The following IFNLR1 variants were observed in gnomAD, a reference collection of about 807,000 sequenced individuals.
IFNLR1 encodes CRF2-12.
Under a neutral mutation model 52.5 loss-of-function variants are expected in IFNLR1, and 28 were observed. That is an observed-to-expected ratio of 0.53 (90% CI 0.40 to 0.73). The LOEUF is 0.73. Ranked by LOEUF, IFNLR1 falls within the 30% of genes least tolerant of loss-of-function variation. The pLI is 0.00. For synonymous variants in IFNLR1, 276 were observed against 274.9 expected, an observed-to-expected ratio of 1.00 and a Z score of -0.04; for missense variants, 623 against 659.1, an observed-to-expected ratio of 0.95 and a Z score of 0.60.
At chr1:24,164,157 C>T (rs1467776431) in intron 3 of IFNLR1, among the ~76,000 whole-genome samples, 1 of 152,176 alleles carries the variant, frequency 6.6e-6, no homozygotes, top group Non-Finnish European at 1.5e-5. Context: ...ATGAAAGGGA[C>T]AATCAGGTCA....
In IFNLR1 at chr1:24,157,606, C is replaced by T. The variant is rs760334052; in HGVS notation, c.1087G>A (p.Gly363Ser). ...EHQAPGHSEA[G>S]GVDSGRPRAP... ...CTGGGCCTCCCTGAGTCCACCCCACCAGCCTCCGAGTGCCCTGGAGCCTGG... is the reference window on the plus strand; with the variant it reads ...CTGGGCCTCCCTGAGTCCACCCCACTAGCCTCCGAGTGCCCTGGAGCCTGG... Residue 363 changes from glycine (G) to serine (S), a missense_variant, in exon 7 of 7, where the codon GGT (glycine) becomes AGT (serine). Physicochemically the swap from Gly to Ser is moderately conservative, Grantham distance 56. Transcript: ENST00000327535. The surrounding 1 kb of genome is among the most constrained non-coding windows in gnomAD (Gnocchi z 5.1). 5 of 1,609,858 alleles carry T rather than the reference C, an allele frequency of 3.1e-6. No individual in the cohort carries two copies. The East Asian group carries it at 1.1e-4, about 36-fold the overall frequency.
chr1:24,168,758 T>G (rs1409423874), intron 3 of IFNLR1, among the ~76,000 whole-genome samples: 2 of 152,138 alleles, frequency 1.3e-5, no homozygotes, highest in Non-Finnish European at 2.9e-5. Flanking sequence ...TGTTTATTAA[T>G]TTTTTTCTTT....
chr1:24,184,756 C>T (rs1644721197), intron 1 of IFNLR1, among the ~76,000 whole-genome samples: 1 of 152,130 alleles, frequency 6.6e-6, no homozygotes, highest in Non-Finnish European at 1.5e-5. Flanking sequence ...TGGTAACTCA[C>T]CCCTGTGATC....
Position 24,157,730 on chromosome 1 carries a change from G to T in IFNLR1, c.963C>A (p.Asp321Glu), listed in dbSNP as rs74399859. The T allele has an allele frequency of 3.4e-4, 545 of 1,614,194 alleles. 4 individuals carry two copies. In the African/African-American group the frequency reaches 6.6e-3, roughly 20 times the overall value. Residue 321 changes from aspartate (D) to glutamate (E), a missense_variant, in exon 7 of 7, where the codon GAC becomes GAA. By Grantham distance (45) the Asp-to-Glu change is conservative. Coordinates refer to ENST00000327535, the MANE Select transcript of IFNLR1 (RefSeq NM_170743.4). The surrounding 1 kb of genome is among the most constrained non-coding windows in gnomAD (Gnocchi z 5.1). ...PATQQTRWKKDLAEDEEEEDE... is the reference protein window; with the variant it reads ...PATQQTRWKKELAEDEEEEDE... ...CCTCCTCCTCTTCGTCCTCTGCAAG[G>T]TCCTTCTTCCATCTTGTCTGTTGGG...
intron 2 of IFNLR1, among the ~76,000 whole-genome samples, chr1:24,173,714 T>A (rs961591630): frequency 6.7e-6 from 1 of 149,406 alleles, no homozygotes; most frequent in Admixed American, 6.7e-5. Context: ...AGTGGTGCAA[T>A]CATAGTTCAC....
At chr1:24,171,921 G>A (rs1569671305) in intron 2 of IFNLR1, among the ~76,000 whole-genome samples, 1 of 152,206 alleles carries the variant, frequency 6.6e-6, no homozygotes, top group South Asian at 2.1e-4. Flanking sequence ...CTCCCAAAGT[G>A]CTGGTATTAC....
At chr1:24,162,936 T>C (rs145079365) in intron 3 of IFNLR1, among the ~76,000 whole-genome samples, 3 of 94,748 alleles carry the variant, frequency 3.2e-5, no homozygotes, top group Admixed American at 1.1e-4. Flanking sequence ...TTTTCTTTCT[T>C]TCTCTTTCTT....
At chr1:24,177,618 T>A (rs1644646383) in intron 2 of IFNLR1, among the ~76,000 whole-genome samples, 1 of 152,162 alleles carries the variant, frequency 6.6e-6, no homozygotes, top group South Asian at 2.1e-4. Context: ...GAGTCTTCCA[T>A]TCCCAGTCCA....
At chr1:24,185,081 C>T (rs1644724040) in intron 1 of IFNLR1, among the ~76,000 whole-genome samples, 1 of 151,978 alleles carries the variant, frequency 6.6e-6, no homozygotes, top group Non-Finnish European at 1.5e-5. Flanking sequence ...GTTCTGTGAG[C>T]CAGGTTCTGT....
At position 24,187,232 on chromosome 1, in the gene IFNLR1, C is replaced by A. The variant is rs1213805185; in HGVS notation, c.17G>T (p.Arg6Leu). ...CAGGCACAGGAGCAGGGGGCCCCAG[C>A]GCTCGGGCCCCGCCATGGCCTTCCT... is the stretch of plus-strand genomic sequence containing the variant. MAGPE[R>L]WGPLLLCLLQ... Residue 6 changes from arginine to leucine, a missense_variant, in exon 1 of 7, where the codon CGC becomes CTC. Transcript: ENST00000327535. 1.6e-6 allele frequency: 2 copies of A among 1,286,958 alleles called. No individual in the cohort carries two copies. Among genetic ancestry groups the A allele is most frequent in the Admixed American group, 4.1e-5 (1 of 24,102 alleles). The allele number at this position is 1,286,958 out of a possible 1,614,324, so 79.7% of individuals were successfully genotyped here.
chr1:24,168,689 C>T (rs1414567276), intron 3 of IFNLR1, among the ~76,000 whole-genome samples: 1 of 151,960 alleles, frequency 6.6e-6, no homozygotes, highest in African/African-American at 2.4e-5. Flanking sequence ...CCCCACCCCC[C>T]ACAAATTTCT....
chr1:24,182,292 C>T (rs926666860), intron 1 of IFNLR1, among the ~76,000 whole-genome samples: 1 of 152,076 alleles, frequency 6.6e-6, no homozygotes, highest in African/African-American at 2.4e-5. Context: ...GGCTTGCCAG[C>T]CACTCTGCTA....
At position 24,162,915 on chromosome 1, in the gene IFNLR1, C is replaced by CTTT. The variant is rs1244194854; in HGVS notation, c.368-1232_368-1231insAAA. Among the ~76,000 whole-genome samples the CTTT allele has an allele frequency of 4.5e-3, 369 of 82,736 alleles. 21 individuals carry two copies. Among genetic ancestry groups the CTTT allele is most frequent in the Middle Eastern group, 0.017 (3 of 178 alleles). The allele number at this position is 82,736 out of a possible 152,430, so 54.3% of individuals were successfully genotyped here. On this transcript the variant is annotated intron_variant, in intron 3 of 6. Transcript: ENST00000327535. The stretch of plus-strand genomic sequence containing the variant: ...TCCTTCCTTCCTTCCTTCCTTCCTT[C>CTTT]CTTTTCTTTCTTTTCTTTCTTTCTC...
rs1471051022 is a variant in IFNLR1, at chr1:24,161,705, C to A, written c.368-21G>T. 4.1e-6 allele frequency: 6 copies of A among 1,465,374 alleles called. No homozygotes were observed. In the Middle Eastern group the frequency reaches 6.3e-4, roughly 153 times the overall value. 90.8% of individuals were successfully genotyped at this position (1,465,374 alleles called of 1,614,324 possible). A position where few individuals can be genotyped will look rare whatever the true frequency, so the allele number is the denominator to read the frequency against. ...CTCCACTGCAGAAACAGAGCAGGAC[C>A]TGTCAGTAATCCCGAGGGGCCGCAC... On this transcript the variant is annotated intron_variant, in intron 3 of 6. Coordinates refer to ENST00000327535, the MANE Select transcript of IFNLR1 (RefSeq NM_170743.4).
chr1:24,170,974 A>T (rs1371968776), intron 2 of IFNLR1, among the ~76,000 whole-genome samples: 1 of 152,214 alleles, frequency 6.6e-6, no homozygotes, highest in Non-Finnish European at 1.5e-5. Flanking sequence ...TATACTATGC[A>T]AATATTCACA....
chr1:24,159,737 G>GTTTTTTTTTTTTTGT lies in IFNLR1; in HGVS notation c.511-105_511-104insACAAAAAAAAAAAAA, dbSNP rs79165037. 9.3e-3 allele frequency: 4,210 copies of GTTTTTTTTTTTTTGT among 452,504 alleles called. 16 individuals are homozygous for GTTTTTTTTTTTTTGT. Among genetic ancestry groups the GTTTTTTTTTTTTTGT allele is most frequent in the East Asian group, 0.028 (508 of 18,042 alleles). The allele number at this position is 452,504 out of a possible 1,614,324, so 28.0% of individuals were successfully genotyped here. On this transcript the variant is annotated intron_variant, in intron 4 of 6. Transcript: ENST00000327535. ...AGACATGGTAGGGTGTTTTTTTTTT[G>GTTTTTTTTTTTTTGT]TTTTTTTTTTTTGTTTTTTTGTAGG...
intron 2 of IFNLR1, 55 bp downstream of exon 2, chr1:24,180,676 G>GCCCCCCCCCCCCCCCCCCGCGTTTCCCCC: frequency 2.2e-6 from 1 of 455,866 alleles, no homozygotes; most frequent in South Asian, 1.8e-5. Context: ...AGCCCCTCCA[G>GCCCCCCCCCCCCCCCCCCGCGTTTCCCCC]CCCCCACCCA....
chr1:24,176,081 C>CA (rs556324748), intron 2 of IFNLR1, among the ~76,000 whole-genome samples: 266 of 152,234 alleles, frequency 1.7e-3, no homozygotes, highest in African/African-American at 6.1e-3. Context: ...GGAAGCAACC[C>CA]AAATATCCAC....
chr1:24,172,313 C>A (rs1024273584), intron 2 of IFNLR1, among the ~76,000 whole-genome samples: 3 of 151,704 alleles, frequency 2.0e-5, no homozygotes, highest in African/African-American at 7.3e-5. Flanking sequence ...TGATAAGAAG[C>A]CAGAAGAAAC....
Sources: allele counts gnomAD v4.1 joint callset (sites outside exome capture counted in the v4.1 genomes callset), GRCh38; gene constraint gnomAD v4.1.1; non-coding constraint Gnocchi (gnomAD v3.1); transcripts MANE v1.5; gene names NCBI Gene and HGNC (gene_info 2026-07-23, HGNC 2026-07-21).